The following OPCML variants were observed in gnomAD, a reference collection of about 807,000 sequenced individuals.
The protein encoded by OPCML is opioid-binding protein/cell adhesion molecule.
Under a neutral mutation model 37.8 loss-of-function variants are expected in OPCML, and 13 were observed. That is an observed-to-expected ratio of 0.34 (90% CI 0.22 to 0.55). The LOEUF is 0.55. Ranked by LOEUF, OPCML falls within the 20% of genes least tolerant of loss-of-function variation. The pLI is 0.91. For synonymous variants in OPCML, 176 were observed against 168.8 expected (o/e 1.04, Z -0.33); for missense variants, 341 against 435.6 (o/e 0.78, Z 1.93).
chr11:133,156,218 T>TA (rs1293887204), intron 1 of OPCML, among the ~76,000 whole-genome samples: 2 of 152,178 alleles, frequency 1.3e-5, no homozygotes, highest in Non-Finnish European at 2.9e-5. Flanking sequence ...CCCACCCTCT[T>TA]ACAACATGCT....
intron 2 of OPCML, among the ~76,000 whole-genome samples, chr11:132,827,979 C>G (rs537302289): frequency 6.6e-6 from 1 of 152,048 alleles, no homozygotes; most frequent in Non-Finnish European, 1.5e-5. Context: ...TGCCCAAACT[C>G]GCAAACAACC....
At chr11:132,421,161 C>T (rs2095957576) in intron 7 of OPCML, among the ~76,000 whole-genome samples, 1 of 152,174 alleles carries the variant, frequency 6.6e-6, no homozygotes, top group African/African-American at 2.4e-5. Context: ...GCAGGTGTAT[C>T]TAACTTGGAC....
intron 1 of OPCML, among the ~76,000 whole-genome samples, chr11:133,405,507 A>G (rs1417082987): frequency 6.6e-6 from 1 of 152,144 alleles, no homozygotes; most frequent in Non-Finnish European, 1.5e-5. Context: ...AAGGGACACA[A>G]ATCCAGCCAC....
intron 2 of OPCML, among the ~76,000 whole-genome samples, chr11:132,877,655 C>A (rs570412784): frequency 4.6e-5 from 7 of 152,120 alleles, no homozygotes; most frequent in Non-Finnish European, 1.0e-4. Flanking sequence ...CTGGCTGGAA[C>A]GGAGATGTGG....
At chr11:133,048,079 A>G (rs1236705160) in intron 1 of OPCML, among the ~76,000 whole-genome samples, 4 of 152,092 alleles carry the variant, frequency 2.6e-5, no homozygotes, top group Non-Finnish European at 5.9e-5. Context: ...GGAATCGGGT[A>G]AGACGCATGC....
chr11:132,558,267 CTCT>C (rs1319380328), intron 3 of OPCML, among the ~76,000 whole-genome samples: 2 of 146,332 alleles, frequency 1.4e-5, no homozygotes, highest in African/African-American at 2.6e-5. Flanking sequence ...CTTCCTTCTC[CTCT>C]TCTTCACCTT....
At chr11:132,923,107 T>A (rs1944868085) in intron 2 of OPCML, among the ~76,000 whole-genome samples, 1 of 149,288 alleles carries the variant, frequency 6.7e-6, no homozygotes, top group African/African-American at 2.5e-5. Flanking sequence ...ATAATAATAA[T>A]AATAATATGG....
chr11:132,740,344 A>G (rs1310828666), intron 2 of OPCML, among the ~76,000 whole-genome samples: 1 of 152,220 alleles, frequency 6.6e-6, no homozygotes, highest in Non-Finnish European at 1.5e-5. Context: ...TCTCAGAGCC[A>G]CATCTTCCGC....
chr11:132,680,301 G>T (rs543740981), intron 2 of OPCML, among the ~76,000 whole-genome samples: 45 of 152,204 alleles, frequency 3.0e-4, no homozygotes, highest in African/African-American at 1.0e-3. Context: ...CAGGTAACCT[G>T]TATATTTCAG....
chr11:132,595,853 C>T (rs191572886), intron 3 of OPCML, among the ~76,000 whole-genome samples: 2 of 152,282 alleles, frequency 1.3e-5, no homozygotes, highest in East Asian at 3.9e-4. Flanking sequence ...CTGGAAGTGA[C>T]AAGGGTTGGA....
chr11:132,447,366 T>G (rs1369479571), intron 4 of OPCML, among the ~76,000 whole-genome samples: 1 of 152,174 alleles, frequency 6.6e-6, no homozygotes, highest in Non-Finnish European at 1.5e-5. Flanking sequence ...TGGCGCAATC[T>G]TGGCTCACTG....
At chr11:132,883,980 G>A (rs114365121) in intron 2 of OPCML, among the ~76,000 whole-genome samples, 1,884 of 152,110 alleles carry the variant, frequency 0.012, 42 homozygotes, top group African/African-American at 0.043. Flanking sequence ...AGATGATGGT[G>A]GAACATTCAA....
chr11:132,915,224 A>ATGGG (rs1394267353), intron 2 of OPCML, among the ~76,000 whole-genome samples: 1 of 152,128 alleles, frequency 6.6e-6, no homozygotes, highest in Non-Finnish European at 1.5e-5. Context: ...CATTTTCAAC[A>ATGGG]TTATATATGT....
intron 2 of OPCML, among the ~76,000 whole-genome samples, chr11:132,793,776 C>T (rs1938105991): frequency 6.6e-6 from 1 of 152,198 alleles, no homozygotes; most frequent in Admixed American, 6.5e-5. Context: ...GGGACTACTG[C>T]CCTAGGCCCG....
At position 133,064,659 on chromosome 11, in the gene OPCML, CGGGCCGGA is replaced by C. The variant is rs1243238491; in HGVS notation, c.62-121657_62-121650del. On this transcript the variant is annotated intron_variant, in intron 1 of 7. Coordinates refer to ENST00000524381, the MANE Select transcript of OPCML (RefSeq NM_001012393.5). ...GGATCCGGGAATGGGACTTCCGGGC[CGGGCCGGA>C]GGGGAAGTGTCAGGAAGAGCTCAGG... 1.1e-4 allele frequency: 16 copies of C among 152,350 alleles called. No individual in the cohort carries two copies. In the East Asian group the frequency reaches 3.1e-3, roughly 30 times the overall value. The allele number at this position is 152,350 out of a possible 1,614,324, so 9.4% of individuals were successfully genotyped here.
intron 4 of OPCML, among the ~76,000 whole-genome samples, chr11:132,475,496 G>T (rs1438962443): frequency 6.6e-6 from 1 of 152,090 alleles, no homozygotes; most frequent in East Asian, 1.9e-4. Flanking sequence ...ATTAGGGTGG[G>T]CCAAATCCAA....
chr11:132,708,354 G>A (rs1006773710), intron 2 of OPCML, among the ~76,000 whole-genome samples: 5 of 151,854 alleles, frequency 3.3e-5, no homozygotes, highest in Non-Finnish European at 7.4e-5. Context: ...TCTTCTCTTT[G>A]TAATCCCCCA....
chr11:132,695,845 G>C (rs1178107884), intron 2 of OPCML, among the ~76,000 whole-genome samples: 3 of 152,156 alleles, frequency 2.0e-5, no homozygotes, highest in African/African-American at 7.2e-5. Context: ...AGATGAACAA[G>C]ACACAAGGAA....
At chr11:132,480,965 T>A (rs1233738763) in intron 4 of OPCML, among the ~76,000 whole-genome samples, 1 of 151,458 alleles carries the variant, frequency 6.6e-6, no homozygotes. Context: ...CATGAAATAA[T>A]GAGCAAAATA....
Sources: allele counts gnomAD v4.1 joint callset (sites outside exome capture counted in the v4.1 genomes callset), GRCh38; gene constraint gnomAD v4.1.1; transcripts MANE v1.5; gene names NCBI Gene and HGNC (gene_info 2026-07-23, HGNC 2026-07-21).